CLEC9A: variants seen among roughly 807,000 people sequenced by gnomAD.
The protein encoded by CLEC9A is C-type lectin domain containing 9A.
CLEC9A carries 24 observed loss-of-function variants against 30.0 expected under a neutral mutation model. The ratio of observed to expected loss-of-function variants is 0.80; its 90% CI spans 0.58 to 1.13. The LOEUF (loss-of-function observed/expected upper bound fraction) is 1.13, where lower values mean the gene tolerates loss of function less well. Ranked by LOEUF, CLEC9A falls within the 50% of genes most tolerant of loss-of-function variation. The pLI is 0.00. For missense variants in CLEC9A, 251 were observed against 280.9 expected (o/e 0.89, Z 0.76); for synonymous variants, 111 against 96.8 (o/e 1.15, Z -0.86).
intron 2 of CLEC9A, among the ~76,000 whole-genome samples, chr12:10,042,769 A>T (rs2137300359): frequency 6.6e-6 from 1 of 152,320 alleles, no homozygotes; most frequent in Non-Finnish European, 1.5e-5. Context: ...AAACAAATTA[A>T]TACTTCTATA....
intron 2 of CLEC9A, among the ~76,000 whole-genome samples, chr12:10,049,008 C>T (rs1865871128): frequency 6.6e-6 from 1 of 152,066 alleles, no homozygotes; most frequent in Non-Finnish European, 1.5e-5. Context: ...ACTTGAAAGT[C>T]AAAATTACTC....
intron 2 of CLEC9A, among the ~76,000 whole-genome samples, chr12:10,048,967 G>C (rs1865870827): frequency 6.6e-6 from 1 of 152,146 alleles, no homozygotes; most frequent in East Asian, 1.9e-4. Flanking sequence ...GGCAGTGATA[G>C]CCTTATGAAA....
At chr12:10,059,882 T>C (rs770202114) in intron 5 of CLEC9A, among the ~76,000 whole-genome samples, 15 of 150,178 alleles carry the variant, frequency 1.0e-4, no homozygotes, top group Non-Finnish European at 2.2e-4. Flanking sequence ...AACGAGAAAA[T>C]GGCAAAAAGA....
chr12:10,061,341 G>C, intron 6 of CLEC9A, 68 bp downstream of exon 6: 1 of 1,442,956 alleles, frequency 6.9e-7, no homozygotes, highest in Non-Finnish European at 9.3e-7. Flanking sequence ...AAAAGAAACA[G>C]TGACACACAT....
At chr12:10,041,684 G>T (rs1865799026) in intron 2 of CLEC9A, 64 bp downstream of exon 2, 14 of 516,026 alleles carry the variant, frequency 2.7e-5, no homozygotes, top group South Asian at 2.0e-4. Context: ...TGTAACATTT[G>T]ACCTTTTTTG....
At chr12:10,059,776 A>C (rs1865979281) in intron 5 of CLEC9A, among the ~76,000 whole-genome samples, 1 of 152,166 alleles carries the variant, frequency 6.6e-6, no homozygotes. Context: ...GCCAAGTTAC[A>C]GACTGGGAAT....
chr12:10,048,476 A>G (rs1180520705), intron 2 of CLEC9A, among the ~76,000 whole-genome samples: 1 of 152,194 alleles, frequency 6.6e-6, no homozygotes, highest in Non-Finnish European at 1.5e-5. Context: ...TTTTACCCAT[A>G]GTAAACTTCT....
intron 5 of CLEC9A, among the ~76,000 whole-genome samples, chr12:10,056,787 A>G (rs1357606261): frequency 6.6e-6 from 1 of 152,194 alleles, no homozygotes; most frequent in Non-Finnish European, 1.5e-5. Flanking sequence ...TTGTATGAAG[A>G]AAATGTTACT....
At chr12:10,052,390 C>A (rs1009045340) in intron 3 of CLEC9A, 1 of 554,790 alleles carries the variant, frequency 1.8e-6, no homozygotes, top group Non-Finnish European at 2.5e-6. Context: ...ACTGCTATCA[C>A]CTTCAACATC....
chr12:10,035,957 T>G (rs1865741232), intron 1 of CLEC9A, among the ~76,000 whole-genome samples: 1 of 152,248 alleles, frequency 6.6e-6, no homozygotes, highest in Non-Finnish European at 1.5e-5. Context: ...CAGTTTTTAT[T>G]AAGATGTTTG....
At chr12:10,049,702 T>G (rs557961695) in intron 2 of CLEC9A, among the ~76,000 whole-genome samples, 1 of 152,350 alleles carries the variant, frequency 6.6e-6, no homozygotes, top group East Asian at 1.9e-4. Flanking sequence ...AGTTAGGGCT[T>G]TGCTCTGAAT....
At chr12:10,048,181 C>T (rs1430206528) in intron 2 of CLEC9A, among the ~76,000 whole-genome samples, 1 of 149,512 alleles carries the variant, frequency 6.7e-6, no homozygotes, top group African/African-American at 2.5e-5. Flanking sequence ...TGCAGTGAGC[C>T]GAGATTGCGC....
intron 2 of CLEC9A, among the ~76,000 whole-genome samples, chr12:10,042,570 A>G (rs1191400229): frequency 1.3e-5 from 2 of 152,338 alleles, no homozygotes; most frequent in East Asian, 1.9e-4. Context: ...AAACAGAAAA[A>G]ATAATCCTTA....
intron 5 of CLEC9A, among the ~76,000 whole-genome samples, chr12:10,056,657 GATAA>G (rs1865946589): frequency 6.6e-6 from 1 of 152,150 alleles, no homozygotes; most frequent in Non-Finnish European, 1.5e-5. Flanking sequence ...AGAGAAGTGA[GATAA>G]ATAGTGACGA....
At chr12:10,053,766 G>A (rs948882665) in intron 4 of CLEC9A, among the ~76,000 whole-genome samples, 1 of 151,770 alleles carries the variant, frequency 6.6e-6, no homozygotes, top group Admixed American at 6.6e-5. Context: ...CCTCTCTGCA[G>A]GGTTGTAAAG....
rs973953132 is a variant in CLEC9A at position 10,052,825 on chromosome 12, T to C, written c.91+47T>C. On this transcript the variant is annotated intron_variant, in intron 4 of 8. Coordinates refer to ENST00000355819, the MANE Select transcript of CLEC9A (RefSeq NM_207345.4). ...GTGTGAGACTTTAGAGTTCATGTTT[T>C]TTTTTTTTTTCTGCTCTATCATGAG... 1.9e-6 allele frequency: 3 copies of C among 1,593,328 alleles called. No individual in the cohort carries two copies. In the African/African-American group the frequency reaches 4.1e-5, roughly 22 times the overall value.
chr12:10,043,860 T>C (rs375151851), intron 2 of CLEC9A, among the ~76,000 whole-genome samples: 3 of 152,170 alleles, frequency 2.0e-5, no homozygotes, highest in Non-Finnish European at 2.9e-5. Flanking sequence ...TTTGTATTTT[T>C]AGTAGAGATC....
At chr12:10,058,223 T>C (rs1865960357) in intron 5 of CLEC9A, among the ~76,000 whole-genome samples, 1 of 152,220 alleles carries the variant, frequency 6.6e-6, no homozygotes, top group Admixed American at 6.5e-5. Context: ...TAAAAAGGTA[T>C]CTAAATATAA....
At chr12:10,038,993 G>A in intron 1 of CLEC9A, among the ~76,000 whole-genome samples, 1 of 152,274 alleles carries the variant, frequency 6.6e-6, no homozygotes, top group Non-Finnish European at 1.5e-5. Context: ...ACACAGGTGA[G>A]ATCTGCCAGC....
Sources: gnomAD v4.1 joint callset for allele counts (sites outside exome capture counted in the v4.1 genomes callset) on GRCh38, gnomAD v4.1.1 for gene constraint, MANE v1.5 for transcripts, NCBI Gene and HGNC (gene_info 2026-07-23, HGNC 2026-07-21) for gene names.